The following CDH2 variants were observed in gnomAD, a reference collection of about 807,000 sequenced individuals.
CDH2 encodes cadherin 2.
In CDH2, 17 loss-of-function variants were observed where a neutral mutation model predicts 92.0. The ratio of observed to expected loss-of-function variants is 0.18; its 90% CI spans 0.13 to 0.28. The LOEUF (loss-of-function observed/expected upper bound fraction) is 0.28, where lower values mean the gene tolerates loss of function less well. CDH2 is among the 10% of genes least tolerant of loss of function. The pLI is 1.00. For missense variants in CDH2, 862 were observed against 1,133.1 expected, an observed-to-expected ratio of 0.76 and a Z score of 3.44; for synonymous variants, 419 against 415.9, an observed-to-expected ratio of 1.01 and a Z score of -0.09.
At chr18:27,937,354 G>A (rs924480125) in intron 6 of CDH2, among the ~76,000 whole-genome samples, 2 of 152,062 alleles carry the variant, frequency 1.3e-5, no homozygotes, top group Non-Finnish European at 2.9e-5. Context: ...TTTACTATGT[G>A]ATTTTAGGCA....
intron 2 of CDH2, among the ~76,000 whole-genome samples, chr18:28,130,375 GAAA>G (rs2015746719): frequency 6.6e-6 from 1 of 152,226 alleles, no homozygotes; most frequent in African/African-American, 2.4e-5. Flanking sequence ...CTATAATTTA[GAAA>G]GGAATGGAAT....
In CDH2 at chr18:27,993,628, G is replaced by C; in HGVS notation, c.1030C>G (p.Gln344Glu). Residue 344 changes from glutamine (Q) to glutamate (E), a missense_variant, in exon 8 of 16, where the codon CAG (glutamine) becomes GAG (glutamate). Transcript: ENST00000269141. The stretch of plus-strand genomic sequence containing the variant: ...GTAGCTTGAATTATTAACGTATACT[G>C]TTGCACTTTCTAAAAAGACATAAAG... ...AAGLDREKVQQYTLIIQATDM... is the reference protein window; with the variant it reads ...AAGLDREKVQEYTLIIQATDM... The C allele has an allele frequency of 6.2e-7, 1 of 1,609,342 alleles. No individual in the cohort carries two copies. Among genetic ancestry groups the C allele is most frequent in the Non-Finnish European group, 8.5e-7 (1 of 1,176,830 alleles).
intron 2 of CDH2, among the ~76,000 whole-genome samples, chr18:28,050,835 A>C (rs911763339): frequency 2.6e-5 from 4 of 152,180 alleles, no homozygotes; most frequent in Non-Finnish European, 5.9e-5. Flanking sequence ...AAAATTCCTA[A>C]GATAGTCATA....
chr18:28,050,934 A>G (rs2014178652), intron 2 of CDH2, among the ~76,000 whole-genome samples: 1 of 152,238 alleles, frequency 6.6e-6, no homozygotes, highest in South Asian at 2.1e-4. Context: ...AGGACTATAC[A>G]AAGGAAAAAT....
At chr18:28,044,680 C>G (rs2014035185) in intron 2 of CDH2, among the ~76,000 whole-genome samples, 1 of 151,874 alleles carries the variant, frequency 6.6e-6, no homozygotes, top group Admixed American at 6.6e-5. Flanking sequence ...ATTATTTTAA[C>G]AGTATGTTTG....
chr18:28,087,457 T>G (rs1417197290), intron 2 of CDH2, among the ~76,000 whole-genome samples: 1 of 152,160 alleles, frequency 6.6e-6, no homozygotes, highest in East Asian at 1.9e-4. Flanking sequence ...CATGACGGCA[T>G]GCCAACACAA....
chr18:27,962,061 A>T (rs940214300), intron 15 of CDH2, among the ~76,000 whole-genome samples: 5 of 152,236 alleles, frequency 3.3e-5, no homozygotes, highest in African/African-American at 1.2e-4. Flanking sequence ...ATGATGACAA[A>T]CATGAAATTA....
intron 1 of CDH2, among the ~76,000 whole-genome samples, chr18:28,174,569 T>C (rs1007702652): frequency 2.0e-5 from 3 of 151,954 alleles, no homozygotes; most frequent in Admixed American, 6.6e-5. Context: ...AAAGTCAACA[T>C]TGGTATAGAA....
At chr18:27,939,260 C>T (rs1050949770) in intron 6 of CDH2, among the ~76,000 whole-genome samples, 2 of 152,098 alleles carry the variant, frequency 1.3e-5, no homozygotes, top group African/African-American at 4.8e-5. Context: ...ATAAAAATAA[C>T]TGCAATTTCA....
At chr18:27,964,006 T>G (rs1415349008) in intron 14 of CDH2, among the ~76,000 whole-genome samples, 1 of 152,210 alleles carries the variant, frequency 6.6e-6, no homozygotes, top group Non-Finnish European at 1.5e-5. Context: ...AACTATGATC[T>G]CTGGGCCCAG....
intron 1 of CDH2, among the ~76,000 whole-genome samples, chr18:28,148,476 C>G (rs921743272): frequency 1.3e-5 from 2 of 152,144 alleles, no homozygotes; most frequent in Non-Finnish European, 2.9e-5. Flanking sequence ...GCTTAAAACT[C>G]AGTCATACCT....
At chr18:27,965,253 T>C (rs2011505527) in intron 14 of CDH2, among the ~76,000 whole-genome samples, 1 of 152,220 alleles carries the variant, frequency 6.6e-6, no homozygotes, top group Non-Finnish European at 1.5e-5. Context: ...TCCCTGAATA[T>C]TTCCTTATCA....
intron 2 of CDH2, among the ~76,000 whole-genome samples, chr18:28,030,858 C>T (rs1337565776): frequency 6.6e-6 from 1 of 152,042 alleles, no homozygotes; most frequent in African/African-American, 2.4e-5. Flanking sequence ...CAGAACCTAA[C>T]ACACTGCAAA....
At chr18:28,035,527 G>A (rs1011138881) in intron 2 of CDH2, among the ~76,000 whole-genome samples, 1 of 151,892 alleles carries the variant, frequency 6.6e-6, no homozygotes, top group African/African-American at 2.4e-5. Flanking sequence ...TCTCATTTAA[G>A]GATGACTCAT....
chr18:28,075,744 T>C (rs1378928954), intron 2 of CDH2, among the ~76,000 whole-genome samples: 1 of 152,194 alleles, frequency 6.6e-6, no homozygotes, highest in Non-Finnish European at 1.5e-5. Context: ...GCCTATCTGC[T>C]TTACTGTGGA....
chr18:28,027,300 T>C (rs2013579451), intron 2 of CDH2, among the ~76,000 whole-genome samples: 1 of 152,040 alleles, frequency 6.6e-6, no homozygotes. Flanking sequence ...ATCAAACTTG[T>C]TGTAGGTTAA....
At position 28,146,856 on chromosome 18, in the gene CDH2, A is replaced by T. The variant is rs532838713; in HGVS notation, c.172+817T>A. Among the ~76,000 whole-genome samples, 13 of 152,250 alleles carry T rather than the reference A, an allele frequency of 8.5e-5. 1 individual carries two copies. The South Asian group carries it at 2.3e-3, about 27-fold the overall frequency. ...AGATTTGTGGGGAATTAAAATTTAA[A>T]CACAACTTACTAATCAATTCTTCTT... On this transcript the variant is annotated intron_variant, in intron 2 of 15. Transcript: ENST00000269141.
Position 28,005,845 on chromosome 18 carries a change from T to G in CDH2, c.847+4A>C. 1.2e-6 allele frequency: 2 copies of G among 1,607,140 alleles called. No individual in the cohort carries two copies. Among genetic ancestry groups the G allele is most frequent in the Non-Finnish European group, 1.7e-6 (2 of 1,175,520 alleles). ...CATCTTCAAATTATTATCTTTAAAC[T>G]TACCAGGCTTTGATCCCTCAGGAAC... On this transcript the variant is annotated splice_donor_region_variant and intron_variant, in intron 6 of 15. Transcript: ENST00000269141.
chr18:27,944,229 T>G (rs759553477), intron 6 of CDH2, among the ~76,000 whole-genome samples: 2 of 152,052 alleles, frequency 1.3e-5, no homozygotes, highest in African/African-American at 2.4e-5. Flanking sequence ...AAGTAGAAAC[T>G]AGAAAAATAA....
Sources: allele counts gnomAD v4.1 joint callset (sites outside exome capture counted in the v4.1 genomes callset), GRCh38; gene constraint gnomAD v4.1.1; transcripts MANE v1.5; gene names NCBI Gene and HGNC (gene_info 2026-07-23, HGNC 2026-07-21).